The following ZNF678 variants were observed in gnomAD, a reference collection of about 807,000 sequenced individuals.
ZNF678 encodes hypothetical protein MGC42493.
A neutral mutation model predicts 3.0 loss-of-function variants in ZNF678; 5 were observed. The ratio of observed to expected loss-of-function variants is 1.69; its 90% CI spans 0.88 to 3.56. The LOEUF (loss-of-function observed/expected upper bound fraction) is 3.56, where lower values mean the gene tolerates loss of function less well. Ranked by LOEUF, ZNF678 falls within the 30% of genes most tolerant of loss-of-function variation. The probability of loss-of-function intolerance (pLI) is 0.00; values close to 1 mark genes in which losing one functional copy is unlikely to be tolerated. For synonymous variants in ZNF678, 218 were observed against 199.6 expected, an observed-to-expected ratio of 1.09 and a Z score of -0.78; for missense variants, 593 against 605.0, an observed-to-expected ratio of 0.98 and a Z score of 0.21.
intron 1 of ZNF678, among the ~76,000 whole-genome samples, chr1:227,624,101 AG>A (rs1246658084): frequency 9.9e-5 from 15 of 152,256 alleles, no homozygotes; most frequent in African/African-American, 3.4e-4. Context: ...ATACAGATTT[AG>A]GTAAAGGTAT....
At chr1:227,565,651 A>C (rs74850420) in intron 1 of ZNF678, among the ~76,000 whole-genome samples, 2 of 152,384 alleles carry the variant, frequency 1.3e-5, no homozygotes, top group Non-Finnish European at 2.9e-5. Context: ...TTGTAAAGAA[A>C]TATTTGTGCC....
In ZNF678 at chr1:227,655,914, A is replaced by G. The variant is rs1558158980; in HGVS notation, c.*86A>G. 8 of 1,248,418 alleles carry G rather than the reference A, an allele frequency of 6.4e-6. No individual in the cohort carries two copies. Among genetic ancestry groups the G allele is most frequent in the Non-Finnish European group, 8.9e-6 (8 of 901,166 alleles). 77.3% of individuals were successfully genotyped at this position (1,248,418 alleles called of 1,614,324 possible). On this transcript the variant is annotated 3_prime_UTR_variant, in exon 4 of 4. Transcript: ENST00000343776. ...AATGACTGTTTAAGGATGTTTCACA[A>G]AATGTAAGCTTCAGAGTGCACAACA...
intron 5 of ZNF678, among the ~76,000 whole-genome samples, chr1:227,676,652 C>T (rs1435403861): frequency 1.3e-5 from 2 of 151,384 alleles, no homozygotes. Context: ...AGGTATATCT[C>T]CTAATGCTAT....
chr1:227,656,972 T>G lies in ZNF678; in HGVS notation c.*1144T>G, dbSNP rs1487361542. ...AAAGGACACCTCTAGTAATCTCTTT[T>G]CCCAGTGGCTTTTAATTTCAAACAA... On this transcript the variant is annotated 3_prime_UTR_variant, in exon 4 of 4. Transcript: ENST00000343776. 3 of 151,982 alleles carry G rather than the reference T, an allele frequency of 2.0e-5. No individual in the cohort carries two copies. Among genetic ancestry groups the G allele is most frequent in the Admixed American group, 1.3e-4 (2 of 15,232 alleles). 9.4% of individuals were successfully genotyped at this position (151,982 alleles called of 1,614,324 possible). A position where few individuals can be genotyped will look rare whatever the true frequency, so the allele number is the denominator to read the frequency against.
chr1:227,604,858 A>G (rs1657824752), intron 1 of ZNF678, among the ~76,000 whole-genome samples: 1 of 150,996 alleles, frequency 6.6e-6, no homozygotes, highest in South Asian at 2.1e-4. Flanking sequence ...TAGCACTTTT[A>G]TTTTATTTTA....
chr1:227,649,363 T>C (rs187017979), intron 2 of ZNF678, among the ~76,000 whole-genome samples: 101 of 152,322 alleles, frequency 6.6e-4, no homozygotes, highest in African/African-American at 2.4e-3. Context: ...TGCTGTGTTG[T>C]GTTTGAGATG....
intron 1 of ZNF678, among the ~76,000 whole-genome samples, chr1:227,611,426 G>C (rs911392578): frequency 6.6e-6 from 1 of 152,184 alleles, no homozygotes; most frequent in South Asian, 2.1e-4. Context: ...CTCACTCACA[G>C]AGTTCTTTTC....
chr1:227,633,527 C>T (rs1455438439), intron 1 of ZNF678, among the ~76,000 whole-genome samples: 2 of 152,090 alleles, frequency 1.3e-5, no homozygotes, highest in Non-Finnish European at 2.9e-5. Context: ...AATTGTTAGT[C>T]GGCCTAGGAA....
chr1:227,601,704 A>C (rs561029978), intron 1 of ZNF678, among the ~76,000 whole-genome samples: 176 of 152,062 alleles, frequency 1.2e-3, no homozygotes, highest in South Asian at 3.3e-3. Flanking sequence ...AGCTGGGATT[A>C]CAGGCATGTG....
chr1:227,601,299 T>C (rs1185287635), intron 1 of ZNF678, among the ~76,000 whole-genome samples: 1 of 152,196 alleles, frequency 6.6e-6, no homozygotes, highest in African/African-American at 2.4e-5. Context: ...AGGAATAGCA[T>C]TGAATCTGTA....
rs537667007 is a variant in ZNF678 at position 227,597,783 on chromosome 1, A to G, written c.-164+34059A>G. Among the ~76,000 whole-genome samples, 22 of 152,332 alleles carry G rather than the reference A, an allele frequency of 1.4e-4. 1 individual carries two copies. The highest frequency in any genetic ancestry group is 5.3e-4 in the African/African-American group (22 of 41,586). ...AAAATTAAAGGATGACACTAAGCTCAGTAAAGGATGACACTAAGCTCAGTA... is the reference window on the plus strand; with the variant it reads ...AAAATTAAAGGATGACACTAAGCTCGGTAAAGGATGACACTAAGCTCAGTA... On this transcript the variant is annotated intron_variant, in intron 1 of 3. Transcript: ENST00000343776.
chr1:227,611,039 C>T (rs1394986900), intron 1 of ZNF678, among the ~76,000 whole-genome samples: 1 of 152,194 alleles, frequency 6.6e-6, no homozygotes, highest in Admixed American at 6.5e-5. Flanking sequence ...CTGTTACTGA[C>T]CTGGCAGACA....
intron 1 of ZNF678, among the ~76,000 whole-genome samples, chr1:227,617,826 C>A (rs1039294129): frequency 1.3e-5 from 2 of 152,214 alleles, no homozygotes; most frequent in African/African-American, 4.8e-5. Context: ...CAGTGTGAAC[C>A]AAAGTGTGAT....
At chr1:227,583,271 T>G (rs977996106) in intron 1 of ZNF678, among the ~76,000 whole-genome samples, 13 of 152,130 alleles carry the variant, frequency 8.5e-5, no homozygotes, top group African/African-American at 3.1e-4. Context: ...ACCCCTACTA[T>G]TAATTCTTCC....
chr1:227,601,473 G>T (rs916117707), intron 1 of ZNF678, among the ~76,000 whole-genome samples: 6 of 149,394 alleles, frequency 4.0e-5, no homozygotes, highest in African/African-American at 1.2e-4. Context: ...GTATTTCTAG[G>T]TTTTTCTTTT....
At chr1:227,664,083 C>G (rs769153596), downstream of ZNF678, among the ~76,000 whole-genome samples, 17 of 152,124 alleles carry the variant, frequency 1.1e-4, no homozygotes, top group Non-Finnish European at 2.2e-4. Context: ...CACGGGGACA[C>G]TTCCATTAAA....
chr1:227,632,049 G>A (rs146311714), intron 1 of ZNF678, among the ~76,000 whole-genome samples: 1 of 152,186 alleles, frequency 6.6e-6, no homozygotes, highest in Non-Finnish European at 1.5e-5. Context: ...GAAATTGGGG[G>A]AGTAGAGCAC....
At chr1:227,591,837 C>T (rs1048433088) in intron 1 of ZNF678, among the ~76,000 whole-genome samples, 13 of 152,270 alleles carry the variant, frequency 8.5e-5, no homozygotes, top group Admixed American at 2.0e-4. Context: ...GTATACACTG[C>T]GAACAGCCCT....
At chr1:227,583,374 C>T (rs1237850775) in intron 1 of ZNF678, among the ~76,000 whole-genome samples, 33 of 117,898 alleles carry the variant, frequency 2.8e-4, no homozygotes, top group African/African-American at 9.1e-4. Context: ...TTTTTTGAGA[C>T]AGAGTCTTGC....
Sources: allele counts gnomAD v4.1 joint callset (sites outside exome capture counted in the v4.1 genomes callset), GRCh38; gene constraint gnomAD v4.1.1; transcripts MANE v1.5; gene names NCBI Gene and HGNC (gene_info 2026-07-23, HGNC 2026-07-21).